Variants in UBR2 observed in about 807,000 individuals in gnomAD.
The protein encoded by UBR2 is ubiquitin protein ligase E3 component n-recognin 2.
Under a neutral mutation model 247.9 loss-of-function variants are expected in UBR2, and 92 were observed. The observed-to-expected ratio is 0.37, with a 90% CI of 0.31 to 0.44. UBR2 has a LOEUF of 0.44. UBR2 is among the 20% of genes least tolerant of loss of function. The pLI is 1.00. For missense variants in UBR2, 1,613 were observed against 2,112.6 expected (o/e 0.76, Z 4.64); for synonymous variants, 672 against 693.5 (o/e 0.97, Z 0.49).
chr6:42,672,278 C>T (rs1420585579), intron 36 of UBR2, among the ~76,000 whole-genome samples: 1 of 152,060 alleles, frequency 6.6e-6, no homozygotes, highest in Non-Finnish European at 1.5e-5. Context: ...GGTGATCTGC[C>T]CATCTCGGCC....
intron 11 of UBR2, among the ~76,000 whole-genome samples, chr6:42,628,527 G>A (rs1469129877): frequency 6.6e-6 from 1 of 152,082 alleles, no homozygotes; most frequent in Admixed American, 6.6e-5. Context: ...TTCGAGACCA[G>A]CCTGGCCAAC....
At chr6:42,674,442 T>C (rs138722685) in intron 38 of UBR2, among the ~76,000 whole-genome samples, 392 of 152,330 alleles carry the variant, frequency 2.6e-3, no homozygotes, top group African/African-American at 9.0e-3. Context: ...TTAACCTCTC[T>C]GTGCTTTTAA....
At chr6:42,624,908 T>C (rs1795237216) in intron 11 of UBR2, among the ~76,000 whole-genome samples, 3 of 152,214 alleles carry the variant, frequency 2.0e-5, no homozygotes, top group Non-Finnish European at 4.4e-5. Context: ...CAGGCCCCTT[T>C]CATCATCTTA....
Position 42,637,019 on chromosome 6 carries a change from G to A in UBR2, c.1683G>A (p.Val561=), listed in dbSNP as rs1382009446. 1 of 1,603,668 alleles carries A rather than the reference G, an allele frequency of 6.2e-7. No individual in the cohort carries two copies. Among genetic ancestry groups the A allele is most frequent in the African/African-American group, 1.3e-5 (1 of 74,588 alleles). ...AAAACCCTCTTTTTTAGGAAAAAGT[G>A]TTAATCGAAGCTTACAAGAAATGTC... ...MQDWCASDEK[V]LIEAYKKCLA... is the part of the protein sequence containing the mutation. The change falls in exon 15 of 47, where the codon GTG becomes GTA. Residue 561 remains valine, a synonymous_variant. Transcript: ENST00000372901.
At chr6:42,580,041 A>G in intron 2 of UBR2, among the ~76,000 whole-genome samples, 1 of 84,908 alleles carries the variant, frequency 1.2e-5, no homozygotes, top group South Asian at 3.9e-4. Context: ...GGAGATTTCT[A>G]GGTTTTTTTT....
Position 42,648,132 on chromosome 6 carries a change from T to C in UBR2, c.2424T>C (p.Thr808=). 1 of 1,613,966 alleles carries C rather than the reference T, an allele frequency of 6.2e-7. No homozygotes were observed. Among genetic ancestry groups the C allele is most frequent in the Non-Finnish European group, 8.5e-7 (1 of 1,179,850 alleles). Residue 808 remains threonine (T), a synonymous_variant, in exon 22 of 47, where the codon ACT becomes ACC. Coordinates refer to ENST00000372901, the MANE Select transcript of UBR2 (RefSeq NM_001363705.2). ...KSLPEDENKE[T]GMESVIEAVA... ...TGTACCTTTAGGAGAACAAGGAGAC[T>C]GGCATGGAGAGTGTAATCGAAGCAG...
At chr6:42,679,599 A>G in intron 41 of UBR2, 125 bp from the exon 42 acceptor site, 5 of 711,154 alleles carry the variant, frequency 7.0e-6, no homozygotes, top group South Asian at 1.7e-5. Flanking sequence ...AACTTCCTAC[A>G]AGTTACGTAC....
chr6:42,584,356 A>T (rs532627472), intron 2 of UBR2, among the ~76,000 whole-genome samples: 1 of 152,322 alleles, frequency 6.6e-6, no homozygotes, highest in Non-Finnish European at 1.5e-5. Context: ...CCATTTCTGA[A>T]CAGTAATCTA....
intron 8 of UBR2, among the ~76,000 whole-genome samples, chr6:42,614,342 G>A (rs201904914): frequency 9.1e-4 from 22 of 24,252 alleles, no homozygotes; most frequent in East Asian, 6.6e-3. Flanking sequence ...ATGTGTATGT[G>A]TGTATGTATG....
intron 10 of UBR2, chr6:42,617,160 C>T: frequency 7.7e-7 from 1 of 1,302,210 alleles, no homozygotes; most frequent in South Asian, 1.2e-5. Context: ...TCTTGACTTC[C>T]TCCAGCACTG....
At position 42,637,161 on chromosome 6, in the gene UBR2, A is replaced by G. The variant is rs1796148864; in HGVS notation, c.1825A>G (p.Ser609Gly). 2 of 1,613,178 alleles carry G rather than the reference A, an allele frequency of 1.2e-6. No individual in the cohort carries two copies. Among genetic ancestry groups the G allele is most frequent in the Non-Finnish European group, 1.7e-6 (2 of 1,179,608 alleles). ...ATACTGTGTTTCCCAAGAAAAAGTT[A>G]GCATTCACCTCCCAGTTTCTCGCTT... ...IRYCVSQEKV[S>G]IHLPVSRLLA... The change falls in exon 15 of 47, where the codon AGC becomes GGC. Residue 609 changes from serine to glycine, a missense_variant. By Grantham distance (56) the Ser-to-Gly change is moderately conservative. Coordinates refer to ENST00000372901, the MANE Select transcript of UBR2 (RefSeq NM_001363705.2).
At chr6:42,605,252 G>A (rs182235304) in intron 5 of UBR2, among the ~76,000 whole-genome samples, 2 of 152,112 alleles carry the variant, frequency 1.3e-5, no homozygotes, top group East Asian at 3.9e-4. Context: ...TTGTTATGGG[G>A]GCTGTCTGGT....
chr6:42,568,678 C>T (rs1009800640), intron 1 of UBR2, among the ~76,000 whole-genome samples: 5 of 151,836 alleles, frequency 3.3e-5, no homozygotes, highest in African/African-American at 4.8e-5. Flanking sequence ...TGCAGTGAGT[C>T]AAGATCGCGC....
intron 26 of UBR2, 73 bp downstream of exon 26, chr6:42,655,796 T>A: frequency 1.2e-6 from 1 of 861,744 alleles, no homozygotes. Flanking sequence ...TAACCTCTTT[T>A]ATTTGATCAT....
intron 7 of UBR2, among the ~76,000 whole-genome samples, chr6:42,607,419 C>T (rs936719598): frequency 2.0e-4 from 31 of 152,192 alleles, no homozygotes; most frequent in African/African-American, 7.2e-4. Flanking sequence ...CCACCCACCT[C>T]AGACTCCCAA....
At chr6:42,573,054 AG>A (rs1393777624) in intron 1 of UBR2, among the ~76,000 whole-genome samples, 1 of 152,158 alleles carries the variant, frequency 6.6e-6, no homozygotes, top group Admixed American at 6.6e-5. Flanking sequence ...TGGAGCATGG[AG>A]GGGAGATCAT....
chr6:42,574,795 A>C (rs192118152), intron 2 of UBR2, among the ~76,000 whole-genome samples: 92 of 152,058 alleles, frequency 6.1e-4, no homozygotes, highest in African/African-American at 2.2e-3. Flanking sequence ...TGCCAGGTTC[A>C]AGTGATCCTT....
intron 35 of UBR2, 69 bp from the exon 36 acceptor site, chr6:42,670,590 CT>C: frequency 8.6e-7 from 1 of 1,157,734 alleles, no homozygotes; most frequent in Non-Finnish European, 1.2e-6. Flanking sequence ...TTTTTTTAAC[CT>C]TTTTAAGAAA....
intron 42 of UBR2, among the ~76,000 whole-genome samples, chr6:42,680,060 C>G (rs1026285069): frequency 3.3e-5 from 5 of 152,134 alleles, no homozygotes; most frequent in African/African-American, 1.2e-4. Flanking sequence ...GGCTGGAGTG[C>G]AGTGGCATGA....
Sources: allele counts gnomAD v4.1 joint callset (sites outside exome capture counted in the v4.1 genomes callset), GRCh38; gene constraint gnomAD v4.1.1; transcripts MANE v1.5; gene names NCBI Gene and HGNC (gene_info 2026-07-23, HGNC 2026-07-21).